Variants in PCDHA5 observed in about 807,000 individuals in gnomAD.
PCDHA5 encodes protocadherin alpha-5.
PCDHA5 carries 43 observed loss-of-function variants against 61.6 expected under a neutral mutation model. The observed-to-expected ratio is 0.70, with a 90% CI of 0.55 to 0.90. PCDHA5 has a LOEUF of 0.90. PCDHA5 is among the 40% of genes least tolerant of loss of function. PCDHA5 has a pLI of 0.00. For synonymous variants in PCDHA5, 627 were observed against 543.9 expected, an observed-to-expected ratio of 1.15 and a Z score of -2.13; for missense variants, 1,298 against 1,222.7, an observed-to-expected ratio of 1.06 and a Z score of -0.92.
intron 1 of PCDHA5, among the ~76,000 whole-genome samples, chr5:140,887,915 C>T (rs566586212): frequency 6.6e-6 from 1 of 152,290 alleles, no homozygotes; most frequent in Non-Finnish European, 1.5e-5. Flanking sequence ...GTGTATTCTT[C>T]ATTTCAGAGA....
intron 1 of PCDHA5, chr5:140,843,131 A>C: frequency 6.3e-7 from 1 of 1,596,044 alleles, no homozygotes; most frequent in South Asian, 1.1e-5. Flanking sequence ...CTCGGGCTAC[A>C]ACGCGTGGCT....
intron 1 of PCDHA5, chr5:140,877,037 C>G: frequency 6.2e-7 from 1 of 1,612,492 alleles, no homozygotes; most frequent in Non-Finnish European, 8.5e-7. Flanking sequence ...GCGCTGCAGC[C>G]GCTAGACCAC....
intron 1 of PCDHA5, chr5:140,843,075 T>C: frequency 6.3e-7 from 1 of 1,595,272 alleles, no homozygotes; most frequent in Non-Finnish European, 8.6e-7. Context: ...CCGCGGTCTG[T>C]GGGCGCGGGC....
Position 140,823,346 on chromosome 5 carries a change from A to G in PCDHA5, c.1571A>G (p.His524Arg). 1 of 1,612,198 alleles carries G rather than the reference A, an allele frequency of 6.2e-7. No homozygotes were observed. The highest frequency in any genetic ancestry group is 1.3e-5 in the African/African-American group (1 of 74,940). The change falls in exon 1 of 4, where the codon CAC (histidine) becomes CGC (arginine). Residue 524 changes from histidine (H) to arginine (R), a missense_variant. Physicochemically the swap from His to Arg is conservative, Grantham distance 29. Coordinates refer to ENST00000529859, the MANE Select transcript of PCDHA5 (RefSeq NM_018908.3). Reference protein sequence around the residue: ...GKVYALQPLDHEEVELLQFQV... With the variant: ...GKVYALQPLDREEVELLQFQV... ...GTGTACGCGCTGCAGCCGCTGGACC[A>G]CGAGGAAGTGGAGCTGCTGCAGTTC...
At chr5:140,863,660 A>G (rs1439004370) in intron 1 of PCDHA5, 2 of 293,826 alleles carry the variant, frequency 6.8e-6, no homozygotes, top group Non-Finnish European at 1.3e-5. Flanking sequence ...TGATTGCTTT[A>G]TTTATTTTGC....
At chr5:140,954,512 T>C (rs2095046956) in intron 1 of PCDHA5, among the ~76,000 whole-genome samples, 1 of 152,254 alleles carries the variant, frequency 6.6e-6, no homozygotes, top group Non-Finnish European at 1.5e-5. Flanking sequence ...TGCATTTACC[T>C]AATGATCAGT....
At position 140,842,490 on chromosome 5, in the gene PCDHA5, T is replaced by C. The variant is rs2150337276; in HGVS notation, c.2352+18363T>C. The C allele has an allele frequency of 9.9e-6, 16 of 1,613,892 alleles. No homozygotes were observed. In the South Asian group the frequency reaches 1.6e-4, roughly 17 times the overall value. On this transcript the variant is annotated intron_variant, in intron 1 of 3. Transcript: ENST00000529859. ...AACGGGCAGGTGACCTGCTCCCTGA[T>C]GCCCCATGTCCCCTTCAAGCTGGTG... is the stretch of plus-strand genomic sequence containing the variant.
intron 1 of PCDHA5, among the ~76,000 whole-genome samples, chr5:140,920,866 A>G (rs1584205398): frequency 6.6e-6 from 1 of 151,760 alleles, no homozygotes; most frequent in African/African-American, 2.4e-5. Context: ...AAACAAACAA[A>G]CTGTGGCCCT....
chr5:140,840,489 C>G (rs2150307286), intron 1 of PCDHA5, among the ~76,000 whole-genome samples: 3 of 151,924 alleles, frequency 2.0e-5, no homozygotes, highest in Non-Finnish European at 4.4e-5. Context: ...AGGCATAATT[C>G]TGGTAAATAC....
At chr5:140,965,030 C>A (rs2095870201) in intron 1 of PCDHA5, among the ~76,000 whole-genome samples, 1 of 152,166 alleles carries the variant, frequency 6.6e-6, no homozygotes, top group East Asian at 1.9e-4. Flanking sequence ...GCTCCTTTAA[C>A]TGTCCGCTCT....
intron 1 of PCDHA5, among the ~76,000 whole-genome samples, chr5:140,962,457 G>T (rs1563323233): frequency 6.6e-6 from 1 of 151,950 alleles, no homozygotes; most frequent in Non-Finnish European, 1.5e-5. Flanking sequence ...AATCTCTTAT[G>T]GCTTGAATCT....
chr5:140,838,447 G>A (rs2150289486), intron 1 of PCDHA5, among the ~76,000 whole-genome samples: 2 of 151,510 alleles, frequency 1.3e-5, no homozygotes, highest in South Asian at 4.2e-4. Flanking sequence ...GGGTTTTGTG[G>A]CATATTATTT....
At position 140,985,761 on chromosome 5, in the gene PCDHA5, A is replaced by C. The variant is rs1239020885; in HGVS notation, c.2500+3198A>C. On this transcript the variant is annotated intron_variant, in intron 3 of 3. Transcript: ENST00000529859. ...TTCCTTTTTTTTTTTTTTTTTTTTGAGACAGTCTCGCTCTGTCGCCCAGGC... is the reference window on the plus strand; with the variant it reads ...TTCCTTTTTTTTTTTTTTTTTTTTGCGACAGTCTCGCTCTGTCGCCCAGGC... 7.9e-5 allele frequency among the ~76,000 whole-genome samples: 5 copies of C among 63,266 alleles called. No individual in the cohort carries two copies. In the East Asian group the frequency reaches 3.3e-3, roughly 41 times the overall value. 41.5% of individuals were successfully genotyped at this position (63,266 alleles called of 152,430 possible). A position where few individuals can be genotyped will look rare whatever the true frequency, so the allele number is the denominator to read the frequency against.
chr5:140,913,055 T>G (rs1554195719), intron 1 of PCDHA5, among the ~76,000 whole-genome samples: 2 of 152,184 alleles, frequency 1.3e-5, no homozygotes, highest in African/African-American at 4.8e-5. Context: ...GAGTTTTATT[T>G]TATTTTGATG....
chr5:140,864,410 A>T (rs1310180872), intron 1 of PCDHA5: 3 of 152,244 alleles, frequency 2.0e-5, no homozygotes, highest in Admixed American at 6.5e-5. Flanking sequence ...AGCAGGGTTG[A>T]GGCAGCTTCG....
chr5:140,974,322 G>A (rs11743888), intron 1 of PCDHA5, among the ~76,000 whole-genome samples: 7,497 of 152,260 alleles, frequency 0.049, 207 homozygotes, highest in Middle Eastern at 0.068. Flanking sequence ...GAGAGTAGCT[G>A]CTGTGCTAGC....
At chr5:140,963,989 T>C (rs2095803669) in intron 1 of PCDHA5, among the ~76,000 whole-genome samples, 1 of 152,202 alleles carries the variant, frequency 6.6e-6, no homozygotes, top group Non-Finnish European at 1.5e-5. Flanking sequence ...ATATTCCTAA[T>C]TACTGTGTTC....
intron 1 of PCDHA5, among the ~76,000 whole-genome samples, chr5:140,945,046 A>T (rs2093731107): frequency 6.6e-6 from 1 of 152,192 alleles, no homozygotes; most frequent in Non-Finnish European, 1.5e-5. Flanking sequence ...TTGGTCTTAT[A>T]TAAAGAAAAC....
chr5:140,853,583 T>C lies in PCDHA5; in HGVS notation c.2352+29456T>C, dbSNP rs1298599428. Reference sequence around the variant, plus strand: ...AAAACTAAGTTGTCACCCAATATCTTAGACACTTTGAGAGCAAAGGGGGTG... The same window carrying C: ...AAAACTAAGTTGTCACCCAATATCTCAGACACTTTGAGAGCAAAGGGGGTG... On this transcript the variant is annotated intron_variant, in intron 1 of 3. Transcript: ENST00000529859. 16 of 985,202 alleles carry C rather than the reference T, an allele frequency of 1.6e-5. 2 individuals carry two copies. The highest frequency in any genetic ancestry group is 1.8e-5 in the Non-Finnish European group (15 of 817,512). The allele number at this position is 985,202 out of a possible 1,614,324, so 61.0% of individuals were successfully genotyped here. A position where few individuals can be genotyped will look rare whatever the true frequency, so the allele number is the denominator to read the frequency against.
Sources: gnomAD v4.1 joint callset for allele counts (sites outside exome capture counted in the v4.1 genomes callset) on GRCh38, gnomAD v4.1.1 for gene constraint, MANE v1.5 for transcripts, NCBI Gene and HGNC (gene_info 2026-07-23, HGNC 2026-07-21) for gene names.